The following C1orf167 variants were observed in gnomAD, a reference collection of about 807,000 sequenced individuals.
C1orf167 encodes the protein uncharacterized protein C1orf167.
In C1orf167, 153 loss-of-function variants were observed where a neutral mutation model predicts 176.5. That is an observed-to-expected ratio of 0.87 (90% CI 0.76 to 0.99). The LOEUF (loss-of-function observed/expected upper bound fraction) is 0.99. C1orf167 is among the 50% of genes least tolerant of loss of function. The probability of loss-of-function intolerance (pLI) is 0.00; values close to 1 mark genes in which losing one functional copy is unlikely to be tolerated. For synonymous variants in C1orf167, 594 were observed against 752.7 expected, an observed-to-expected ratio of 0.79 and a Z score of 3.45; for missense variants, 1,490 against 1,817.7, an observed-to-expected ratio of 0.82 and a Z score of 3.28.
intron 14 of C1orf167, among the ~76,000 whole-genome samples, chr1:11,783,495 C>T (rs915522992): frequency 2.6e-5 from 4 of 152,140 alleles, no homozygotes; most frequent in Admixed American, 2.6e-4. Context: ...GATCCGCCCG[C>T]CTCTGCCTCC....
rs142001213 is a variant in C1orf167, at chr1:11,772,554, A to C, written c.1988+295A>C. ...AGTGCTGGGATTACAGGCGTGAGCC[A>C]GCATGCCTGGCCCCCACTTCCCTTT... On this transcript the variant is annotated intron_variant, in intron 8 of 20. Coordinates refer to ENST00000688073, the MANE Select transcript of C1orf167 (RefSeq NM_001010881.2). Among the ~76,000 whole-genome samples, 151 of 152,352 alleles carry C rather than the reference A, an allele frequency of 9.9e-4. 2 individuals are homozygous for C. The highest frequency in any genetic ancestry group is 3.6e-3 in the African/African-American group (149 of 41,586).
At chr1:11,782,601 C>G (rs1643648540) in intron 14 of C1orf167, among the ~76,000 whole-genome samples, 1 of 152,090 alleles carries the variant, frequency 6.6e-6, no homozygotes, top group Non-Finnish European at 1.5e-5. Context: ...CAGGTCAGTT[C>G]TTTGGTTTTA....
At chr1:11,774,106 C>T (rs12735869) in intron 8 of C1orf167, among the ~76,000 whole-genome samples, 86,964 of 151,874 alleles carry the variant, frequency 0.57, 25,787 homozygotes, top group East Asian at 0.77. Flanking sequence ...TTTTTTGCCA[C>T]GTTGCTCAGG....
At chr1:11,787,587 G>A (rs1643917361) in intron 17 of C1orf167, 94 bp downstream of exon 17, 3 of 933,042 alleles carry the variant, frequency 3.2e-6, no homozygotes, top group Non-Finnish European at 4.3e-6. Flanking sequence ...AGCTCCTTGG[G>A]ACACGGTCTT....
rs150826531 is a variant in C1orf167 at position 11,766,402 on chromosome 1, A to T, written c.616A>T (p.Ser206Cys). The T allele has an allele frequency of 2.1e-4, 271 of 1,273,862 alleles. No individual in the cohort carries two copies. Among genetic ancestry groups the T allele is most frequent in the Non-Finnish European group, 2.6e-4 (260 of 981,242 alleles). 78.9% of individuals were successfully genotyped at this position (1,273,862 alleles called of 1,614,324 possible). ...PGLRSWGGLG[S>C]WRSRLVGEPL... ...CCTCAGATCCTGGGGTGGTCTGGGG[A>T]GCTGGAGGTCCAGGCTGGTGGGGGA... The change falls in exon 3 of 21, where the codon AGC (serine) becomes TGC (cysteine). Residue 206 changes from serine (S) to cysteine (C), a missense_variant. By Grantham distance (112) the Ser-to-Cys change is moderately radical (BLOSUM62 -1). Coordinates refer to ENST00000688073, the MANE Select transcript of C1orf167 (RefSeq NM_001010881.2). This position sits in a 1 kb window ranked among gnomAD's most constrained non-coding sequence, Gnocchi z 4.5.
intron 20 of C1orf167, 47 bp downstream of exon 20, chr1:11,788,793 C>T: frequency 3.1e-6 from 4 of 1,290,544 alleles, no homozygotes; most frequent in Non-Finnish European, 4.1e-6. Context: ...TTCCACTCAG[C>T]CAGCCTTCCA....
chr1:11,773,656 C>T (rs1267279072), intron 8 of C1orf167, among the ~76,000 whole-genome samples: 3 of 151,984 alleles, frequency 2.0e-5, no homozygotes, highest in Admixed American at 1.3e-4. Flanking sequence ...TGCAGTGAGC[C>T]GAGATCGTGC....
chr1:11,783,466 C>T (rs1643686189), intron 14 of C1orf167, among the ~76,000 whole-genome samples: 1 of 152,008 alleles, frequency 6.6e-6, no homozygotes, highest in Admixed American at 6.6e-5. Context: ...AGGCTGGTCT[C>T]GAACTCCCGA....
chr1:11,789,218 G>A (rs1018307405), intron 20 of C1orf167, 52 bp from the exon 21 acceptor site: 22 of 1,293,708 alleles, frequency 1.7e-5, no homozygotes, highest in Non-Finnish European at 1.7e-5. Flanking sequence ...GCACAGCACA[G>A]ACCCCGGAGA....
At chr1:11,786,339 A>C (rs1643868059) in intron 16 of C1orf167, 1 of 152,268 alleles carries the variant, frequency 6.6e-6, no homozygotes, top group Non-Finnish European at 1.5e-5. Flanking sequence ...AGTGTCCCTA[A>C]GATCAACAGG....
intron 13 of C1orf167, among the ~76,000 whole-genome samples, chr1:11,780,743 TAGTC>T (rs1157928282): frequency 6.6e-6 from 1 of 151,944 alleles, no homozygotes; most frequent in Admixed American, 6.6e-5. Context: ...CCAGCAGAGT[TAGTC>T]AGGGAGGGTC....
chr1:11,787,816 G>A (rs1643930086), intron 17 of C1orf167, 57 bp from the exon 18 acceptor site: 1 of 1,185,732 alleles, frequency 8.4e-7, no homozygotes, highest in African/African-American at 1.6e-5. Flanking sequence ...CGGGCACTAA[G>A]AGCAGCTGCC....
chr1:11,776,713 CCAGGAGG>C, intron 10 of C1orf167, 75 bp downstream of exon 10: 1 of 1,126,796 alleles, frequency 8.9e-7, no homozygotes, highest in Non-Finnish European at 1.1e-6. Flanking sequence ...GTGCTCAGCA[CCAGGAGG>C]AATGCGGGAG....
At position 11,779,943 on chromosome 1, in the gene C1orf167, G is replaced by A. The variant is rs1332535279; in HGVS notation, c.2793G>A (p.Trp931Ter). The change falls in exon 13 of 21, where the codon TGG becomes TGA. Residue 931 changes from tryptophan (W) to a stop codon, truncating the protein, a stop_gained. Coordinates refer to ENST00000688073, the MANE Select transcript of C1orf167 (RefSeq NM_001010881.2). LOFTEE classifies it high-confidence loss of function. ...TGCTGCAGTCACGGCTGGTGGAGTG[G>A]TGGGCCCAGGAGCGGGGCTGGCGGC... ...QRLLQSRLVE[W>*]WAQERGWRLA... The A allele has an allele frequency of 7.7e-7, 1 of 1,300,766 alleles. No individual in the cohort carries two copies. The highest frequency in any genetic ancestry group is 1.0e-6 in the Non-Finnish European group (1 of 987,444). The allele number at this position is 1,300,766 out of a possible 1,614,324, so 80.6% of individuals were successfully genotyped here.
intron 1 of C1orf167, among the ~76,000 whole-genome samples, chr1:11,764,039 G>C (rs997463709): frequency 6.6e-6 from 1 of 152,222 alleles, no homozygotes; most frequent in Non-Finnish European, 1.5e-5. Context: ...TTAGACATCC[G>C]GGTAGGCGTG....
intron 13 of C1orf167, 82 bp from the exon 14 acceptor site, chr1:11,782,107 G>T: frequency 1.7e-6 from 2 of 1,153,946 alleles, no homozygotes; most frequent in Non-Finnish European, 2.2e-6. Flanking sequence ...CTGGTAGGGG[G>T]CGAAGGGCTG....
At chr1:11,776,249 T>C in intron 9 of C1orf167, among the ~76,000 whole-genome samples, 1 of 151,468 alleles carries the variant, frequency 6.6e-6, no homozygotes, top group Non-Finnish European at 1.5e-5. Flanking sequence ...AAGGGCAAAA[T>C]TCTGTCTCAA....
intron 20 of C1orf167, 60 bp downstream of exon 20, chr1:11,788,806 A>C (rs889620156): frequency 1.2e-5 from 15 of 1,287,334 alleles, no homozygotes; most frequent in Non-Finnish European, 1.3e-5. Context: ...GCCTTCCAGA[A>C]GTCTGTGCCA....
intron 2 of C1orf167, among the ~76,000 whole-genome samples, chr1:11,765,186 C>A (rs1193398472): frequency 1.3e-5 from 2 of 152,000 alleles, no homozygotes; most frequent in Non-Finnish European, 1.5e-5. Flanking sequence ...GACCATGAGG[C>A]AAGTTGCTTG....
Sources: gnomAD v4.1 joint callset for allele counts (sites outside exome capture counted in the v4.1 genomes callset) on GRCh38, gnomAD v4.1.1 for gene constraint, Gnocchi (gnomAD v3.1) non-coding constraint, MANE v1.5 for transcripts, NCBI Gene and HGNC (gene_info 2026-07-23, HGNC 2026-07-21) for gene names.